The following RIMS2 variants were observed in gnomAD, a reference collection of about 807,000 sequenced individuals.
RIMS2 encodes the protein regulating synaptic membrane exocytosis 2, also known as regulating synaptic membrane exocytosis protein 2.
RIMS2 carries 59 observed loss-of-function variants against 174.4 expected under a neutral mutation model. The observed-to-expected ratio is 0.34, with a 90% CI of 0.27 to 0.42. The LOEUF (loss-of-function observed/expected upper bound fraction) is 0.42. Among genes scored for constraint, RIMS2 ranks in the 10% least tolerant of loss-of-function variants. The pLI is 1.00. For synonymous variants in RIMS2, 606 were observed against 572.5 expected (o/e 1.06, Z -0.84); for missense variants, 1,620 against 1,666.3 (o/e 0.97, Z 0.48).
intron 17 of RIMS2, among the ~76,000 whole-genome samples, chr8:103,997,986 T>C (rs2095206103): frequency 6.6e-6 from 1 of 151,708 alleles, no homozygotes. Flanking sequence ...TTTTAAAATA[T>C]TTAGAATATT....
intron 1 of RIMS2, among the ~76,000 whole-genome samples, chr8:103,576,704 G>T (rs541447445): frequency 6.6e-6 from 1 of 152,078 alleles, no homozygotes; most frequent in Non-Finnish European, 1.5e-5. Context: ...CCAAAGTAGC[G>T]TGGTATTGGT....
chr8:103,887,681 T>G (rs1565134117), intron 4 of RIMS2, among the ~76,000 whole-genome samples: 1 of 151,500 alleles, frequency 6.6e-6, no homozygotes, highest in South Asian at 2.1e-4. Context: ...CTAAGGGAAT[T>G]CAAGAAAGGA....
At position 103,877,000 on chromosome 8, in the gene RIMS2, A is replaced by T. The variant is rs11986157; in HGVS notation, c.699-8298A>T. ...CTGGTTCCATATTTTTGTAATTGTG[A>T]ATTATGCTGCTACAAACATGCACGT... is the stretch of plus-strand genomic sequence containing the variant. On this transcript the variant is annotated intron_variant, in intron 3 of 23. Coordinates refer to ENST00000504942, the Ensembl canonical transcript of RIMS2. Among the ~76,000 whole-genome samples the T allele has an allele frequency of 3.7e-3, 554 of 148,164 alleles. 3 individuals carry two copies. Among genetic ancestry groups the T allele is most frequent in the African/African-American group, 0.013 (528 of 40,486 alleles).
At chr8:103,910,221 A>G (rs1463654888) in intron 5 of RIMS2, 100 bp from the exon 8 acceptor site, 1 of 1,570,620 alleles carries the variant, frequency 6.4e-7, no homozygotes, top group Non-Finnish European at 8.7e-7. Flanking sequence ...GTGGAGCCTT[A>G]CTATTTAATT....
At chr8:103,733,821 G>A (rs2097645145) in intron 2 of RIMS2, among the ~76,000 whole-genome samples, 1 of 152,118 alleles carries the variant, frequency 6.6e-6, no homozygotes. Context: ...GGTGATTTAA[G>A]ATGGTCTTTT....
At chr8:104,211,819 A>T (rs1026875347) in intron 19 of RIMS2, among the ~76,000 whole-genome samples, 1 of 152,104 alleles carries the variant, frequency 6.6e-6, no homozygotes, top group Non-Finnish European at 1.5e-5. Context: ...TGACTGGATT[A>T]TTTTTTAAAG....
At chr8:104,231,897 G>A (rs2099231569) in intron 19 of RIMS2, among the ~76,000 whole-genome samples, 1 of 152,172 alleles carries the variant, frequency 6.6e-6, no homozygotes, top group Non-Finnish European at 1.5e-5. Flanking sequence ...CCTTTCAGGT[G>A]TTCAGTAGCT....
intron 4 of RIMS2, among the ~76,000 whole-genome samples, chr8:103,908,467 T>C (rs2074979541): frequency 6.6e-6 from 1 of 152,186 alleles, no homozygotes; most frequent in South Asian, 2.1e-4. Flanking sequence ...TCATTTTATA[T>C]CCTGAAAGTT....
intron 19 of RIMS2, among the ~76,000 whole-genome samples, chr8:104,168,989 T>C (rs576908918): frequency 9.4e-4 from 143 of 151,928 alleles, no homozygotes; most frequent in African/African-American, 3.3e-3. Context: ...GCATCCCCGT[T>C]ATGAAACCCA....
At chr8:104,117,319 CA>C (rs1164386285) in intron 19 of RIMS2, among the ~76,000 whole-genome samples, 1 of 151,922 alleles carries the variant, frequency 6.6e-6, no homozygotes, top group African/African-American at 2.4e-5. Flanking sequence ...AATGTATTCA[CA>C]CAGGACTATA....
At chr8:103,953,856 C>T (rs1025021202) in intron 14 of RIMS2, among the ~76,000 whole-genome samples, 2 of 151,882 alleles carry the variant, frequency 1.3e-5, no homozygotes, top group African/African-American at 4.8e-5. Flanking sequence ...TTCAGGAGAC[C>T]CATCTCATGT....
intron 19 of RIMS2, among the ~76,000 whole-genome samples, chr8:104,014,939 A>T (rs2154554115): frequency 6.6e-6 from 1 of 152,302 alleles, no homozygotes; most frequent in African/African-American, 2.4e-5. Context: ...TGATAGTTAT[A>T]TAAAGTTTAT....
intron 19 of RIMS2, among the ~76,000 whole-genome samples, chr8:104,169,500 T>C (rs1267280998): frequency 6.6e-6 from 1 of 151,758 alleles, no homozygotes; most frequent in Non-Finnish European, 1.5e-5. Flanking sequence ...CAGTAATCTT[T>C]AGTATTTCTG....
chr8:104,057,930 G>C (rs2154559800), intron 19 of RIMS2, among the ~76,000 whole-genome samples: 1 of 152,074 alleles, frequency 6.6e-6, no homozygotes, highest in East Asian at 1.9e-4. Context: ...AGTATTCCAT[G>C]GTGTATATGT....
intron 1 of RIMS2, among the ~76,000 whole-genome samples, chr8:103,512,412 G>A (rs544748701): frequency 6.6e-6 from 1 of 152,178 alleles, no homozygotes; most frequent in African/African-American, 2.4e-5. Context: ...TTTCTTTTTG[G>A]CGTTATATGT....
At chr8:103,787,862 G>C (rs979167464) in intron 3 of RIMS2, among the ~76,000 whole-genome samples, 2 of 152,132 alleles carry the variant, frequency 1.3e-5, no homozygotes, top group Admixed American at 1.3e-4. Context: ...ATCCTGCAGA[G>C]TGTTTTCCAA....
intron 1 of RIMS2, among the ~76,000 whole-genome samples, chr8:103,534,925 A>G (rs1028537085): frequency 6.6e-6 from 1 of 152,248 alleles, no homozygotes; most frequent in Admixed American, 6.5e-5. Flanking sequence ...GATTTAGGCC[A>G]GTAAAAAATA....
At chr8:103,897,954 A>G (rs568613834) in intron 4 of RIMS2, among the ~76,000 whole-genome samples, 1 of 151,782 alleles carries the variant, frequency 6.6e-6, no homozygotes, top group East Asian at 1.9e-4. Flanking sequence ...ATTGAGTCCA[A>G]TCAATATTGC....
chr8:103,682,151 AT>A (rs1178678737), intron 1 of RIMS2, among the ~76,000 whole-genome samples: 2 of 152,130 alleles, frequency 1.3e-5, no homozygotes, highest in African/African-American at 4.8e-5. Flanking sequence ...AGAAATTTAA[AT>A]AGAAATGTTA....
Sources: gnomAD v4.1 joint callset for allele counts (sites outside exome capture counted in the v4.1 genomes callset) on GRCh38, gnomAD v4.1.1 for gene constraint, MANE v1.5 for transcripts, NCBI Gene and HGNC (gene_info 2026-07-23, HGNC 2026-07-21) for gene names.